ARB2A: variants seen among roughly 807,000 people sequenced by gnomAD.
ARB2A encodes ARB2 cotranscriptional regulator A.
chr5:93,682,950 C>T, the ARB2A span: 1 of 1,582,700 alleles, frequency 6.3e-7, no homozygotes, highest in Non-Finnish European at 8.6e-7. Context: ...AGAGAACCAC[C>T]TTTTTCTATA....
At chr5:93,793,758 T>TA in the ARB2A span, among the ~76,000 whole-genome samples, 2 of 152,080 alleles carry the variant, frequency 1.3e-5, no homozygotes, top group Non-Finnish European at 2.9e-5. Flanking sequence ...GGTGTGTCGT[T>TA]ACAATCAACA....
the ARB2A span, among the ~76,000 whole-genome samples, chr5:93,624,625 A>G: frequency 6.6e-6 from 1 of 152,154 alleles, no homozygotes; most frequent in African/African-American, 2.4e-5. Context: ...AGTTTCAATC[A>G]GTGGTTCTTA....
At chr5:94,102,358 T>C in the ARB2A span, among the ~76,000 whole-genome samples, 1 of 152,020 alleles carries the variant, frequency 6.6e-6, no homozygotes, top group Admixed American at 6.6e-5. Context: ...GATGAAAAAC[T>C]AAAAGAATTT....
At chr5:93,692,114 T>G in the ARB2A span, among the ~76,000 whole-genome samples, 1 of 152,112 alleles carries the variant, frequency 6.6e-6, no homozygotes, top group Non-Finnish European at 1.5e-5. Context: ...GAAACTGCAT[T>G]AACTAACGGG....
At chr5:93,784,507 A>G in the ARB2A span, 1 of 1,603,344 alleles carries the variant, frequency 6.2e-7, no homozygotes, top group South Asian at 1.1e-5. Flanking sequence ...CATCTGTTTT[A>G]AAAAAGGAAA....
chr5:93,784,541 T>C, the ARB2A span: 7 of 1,498,764 alleles, frequency 4.7e-6, no homozygotes, highest in Non-Finnish European at 6.5e-6. Context: ...TATAATTGTT[T>C]TTCCTACTGG....
At chr5:93,620,338 T>G in the ARB2A span, 1 of 152,190 alleles carries the variant, frequency 6.6e-6, no homozygotes, top group Non-Finnish European at 1.5e-5. Context: ...TAGATTTTTA[T>G]GCAGAGTTGT....
chr5:93,669,083 T>C, the ARB2A span, among the ~76,000 whole-genome samples: 168 of 152,334 alleles, frequency 1.1e-3, no homozygotes, highest in African/African-American at 3.8e-3. Context: ...TTAAAAGTCA[T>C]CCTAATTTGT....
chr5:93,878,803 G>A, the ARB2A span, among the ~76,000 whole-genome samples: 2 of 151,924 alleles, frequency 1.3e-5, no homozygotes, highest in Non-Finnish European at 2.9e-5. Context: ...TCAAATTTCA[G>A]ATACATATTT....
chr5:93,861,648 T>G, the ARB2A span: 1 of 152,242 alleles, frequency 6.6e-6, no homozygotes, highest in Non-Finnish European at 1.5e-5. Flanking sequence ...GTTAGCAATC[T>G]TAGAACTGAA....
the ARB2A span, among the ~76,000 whole-genome samples, chr5:93,933,015 AG>A: frequency 1.3e-5 from 2 of 152,260 alleles, no homozygotes; most frequent in African/African-American, 4.8e-5. Context: ...ACTTATCAAA[AG>A]AAGACATTTA....
chr5:93,969,697 G>A, the ARB2A span, among the ~76,000 whole-genome samples: 15,932 of 152,060 alleles, frequency 0.1, 956 homozygotes, highest in Middle Eastern at 0.16. Flanking sequence ...CACTTCCAAT[G>A]GAAGAGTTAT....
At chr5:93,726,182 G>A in the ARB2A span, among the ~76,000 whole-genome samples, 3 of 151,940 alleles carry the variant, frequency 2.0e-5, no homozygotes, top group East Asian at 1.9e-4. Flanking sequence ...ATCTAATTGT[G>A]GCCTGTATAT....
the ARB2A span, among the ~76,000 whole-genome samples, chr5:94,040,907 G>GT: frequency 6.6e-6 from 1 of 152,068 alleles, no homozygotes; most frequent in African/African-American, 2.4e-5. Context: ...TTCGTCACAC[G>GT]TATTTTGCTC....
chr5:93,645,378 C>G, the ARB2A span, among the ~76,000 whole-genome samples: 1 of 152,104 alleles, frequency 6.6e-6, no homozygotes, highest in Admixed American at 6.6e-5. Context: ...TAAAGACCAT[C>G]CTGGCCAATA....
At chr5:93,673,919 C>T in the ARB2A span, among the ~76,000 whole-genome samples, 3 of 151,898 alleles carry the variant, frequency 2.0e-5, no homozygotes, top group South Asian at 6.3e-4. Context: ...CACAGAGAAA[C>T]ATATCCCTTT....
chr5:93,884,756 AAACT>A, the ARB2A span, among the ~76,000 whole-genome samples: 1 of 151,614 alleles, frequency 6.6e-6, no homozygotes, highest in East Asian at 1.9e-4. Context: ...TTCTGTAAAA[AAACT>A]AACATTTAAA....
chr5:94,088,419 A>C, the ARB2A span, among the ~76,000 whole-genome samples: 5 of 152,156 alleles, frequency 3.3e-5, no homozygotes, highest in Non-Finnish European at 7.4e-5. Flanking sequence ...AGTGGCTGAC[A>C]CCTATAACCC....
At chr5:93,701,792 A>G in the ARB2A span, among the ~76,000 whole-genome samples, 1 of 152,088 alleles carries the variant, frequency 6.6e-6, no homozygotes, top group African/African-American at 2.4e-5. Context: ...AAAATTATAG[A>G]TCTTTTGGGG....
Sources: gnomAD v4.1 joint callset for allele counts (sites outside exome capture counted in the v4.1 genomes callset) on GRCh38, gnomAD v4.1.1 for gene constraint, MANE v1.5 for transcripts, NCBI Gene and HGNC (gene_info 2026-07-23, HGNC 2026-07-21) for gene names.